Variants in CALCR observed in about 807,000 individuals in gnomAD.
CALCR encodes calcitonin receptor.
A neutral mutation model predicts 59.5 loss-of-function variants in CALCR; 47 were observed. The ratio of observed to expected loss-of-function variants is 0.79; its 90% confidence interval spans 0.63 to 1.01. The LOEUF is 1.01. Ranked by LOEUF, CALCR falls within the 50% of genes least tolerant of loss-of-function variation. The pLI, the probability that CALCR is intolerant of heterozygous loss-of-function variation, is 0.00. For synonymous variants in CALCR, 213 were observed against 211.3 expected (o/e 1.01, Z -0.07); for missense variants, 566 against 597.1 (o/e 0.95, Z 0.54).
At chr7:93,438,554 C>A (rs1799833196) in intron 9 of CALCR, among the ~76,000 whole-genome samples, 1 of 152,060 alleles carries the variant, frequency 6.6e-6, no homozygotes, top group Admixed American at 6.6e-5. Flanking sequence ...CTATTATTAC[C>A]ATTGTTATGT....
At position 93,457,697 on chromosome 7, in the gene CALCR, G is replaced by A. The variant is rs1441423786; in HGVS notation, c.648+3124C>T. On this transcript the variant is annotated intron_variant, in intron 8 of 13. Coordinates refer to ENST00000426151, the MANE Select transcript of CALCR (RefSeq NM_001742.4). The stretch of plus-strand genomic sequence containing the variant: ...GAGAGCCAAAATGTGACTGTTTTCT[G>A]CAGAGAGATTCTTAGTTAATTGCTT... Among the ~76,000 whole-genome samples, 4 of 152,106 alleles carry A rather than the reference G, an allele frequency of 2.6e-5. No individual in the cohort carries two copies. In the East Asian group the frequency reaches 5.8e-4, roughly 22 times the overall value.
At chr7:93,503,394 G>A (rs1475660446) in intron 2 of CALCR, among the ~76,000 whole-genome samples, 2 of 147,940 alleles carry the variant, frequency 1.4e-5, no homozygotes, top group East Asian at 4.0e-4. Flanking sequence ...GAAGGAGAAA[G>A]CAAATAATTA....
chr7:93,569,989 A>T (rs555701709), intron 2 of CALCR, among the ~76,000 whole-genome samples: 2 of 151,148 alleles, frequency 1.3e-5, no homozygotes, highest in East Asian at 3.9e-4. Flanking sequence ...GAGGCAGAAG[A>T]ATATAGACTG....
At chr7:93,509,167 G>T (rs140316610) in intron 2 of CALCR, among the ~76,000 whole-genome samples, 39 of 152,182 alleles carry the variant, frequency 2.6e-4, no homozygotes, top group African/African-American at 9.4e-4. Context: ...ATGGCAGAGA[G>T]GGATCCCGTA....
Position 93,436,175 on chromosome 7 carries a change from A to C in CALCR, c.931-5T>G, listed in dbSNP as rs1463696718. On this transcript the variant is annotated splice_region_variant and splice_polypyrimidine_tract_variant and intron_variant, in intron 11 of 13. Transcript: ENST00000426151. Reference sequence around the variant, plus strand: ...GAGCAAAAAGAAGAAATTGACCTGCAAATATACGGTGTTATGAGCAAATCA... The same window carrying C: ...GAGCAAAAAGAAGAAATTGACCTGCCAATATACGGTGTTATGAGCAAATCA... The C allele has an allele frequency of 6.2e-7, 1 of 1,610,506 alleles. No individual in the cohort carries two copies. Among genetic ancestry groups the C allele is most frequent in the Admixed American group, 1.7e-5 (1 of 60,004 alleles).
intron 2 of CALCR, among the ~76,000 whole-genome samples, chr7:93,571,020 C>T (rs1249723538): frequency 6.6e-6 from 1 of 152,150 alleles, no homozygotes; most frequent in East Asian, 1.9e-4. Flanking sequence ...TCAAACCTCT[C>T]TATATTGCTG....
chr7:93,426,440 C>T lies in CALCR; in HGVS notation c.1341G>A (p.Leu447=), dbSNP rs1287831417. 1.9e-6 allele frequency: 3 copies of T among 1,613,814 alleles called. No individual in the cohort carries two copies. The highest frequency in any genetic ancestry group is 2.7e-5 in the African/African-American group (2 of 74,910). Residue 447 remains leucine, a synonymous_variant, in exon 14 of 14, where the codon CTG becomes CTA. Coordinates refer to ENST00000426151, the MANE Select transcript of CALCR (RefSeq NM_001742.4). ...CTTGGTTGTTGGCTGGTTCATTCCT[C>T]AGCTCCTGATGGCAGATGTAAATTG... ...DIPIYICHQE[L]RNEPANNQGE... is the part of the protein sequence containing the mutation.
At chr7:93,527,722 C>T (rs1419055994) in intron 2 of CALCR, among the ~76,000 whole-genome samples, 1 of 152,044 alleles carries the variant, frequency 6.6e-6, no homozygotes, top group Admixed American at 6.6e-5. Context: ...AAACAGTAGT[C>T]CAAATCTATT....
chr7:93,555,597 A>G (rs1050130010), intron 2 of CALCR, among the ~76,000 whole-genome samples: 2 of 152,178 alleles, frequency 1.3e-5, no homozygotes, highest in Non-Finnish European at 2.9e-5. Flanking sequence ...GAAAGGATTT[A>G]CCATTTCAAC....
At chr7:93,427,434 A>T (rs576190966) in intron 13 of CALCR, among the ~76,000 whole-genome samples, 1 of 152,318 alleles carries the variant, frequency 6.6e-6, no homozygotes, top group East Asian at 1.9e-4. Flanking sequence ...TTATTGCAAT[A>T]ATCTCTATTC....
intron 8 of CALCR, among the ~76,000 whole-genome samples, chr7:93,445,456 G>A (rs1799990379): frequency 6.6e-6 from 1 of 151,886 alleles, no homozygotes; most frequent in Non-Finnish European, 1.5e-5. Context: ...CAAAGATGAT[G>A]GTCTTATGCC....
At chr7:93,486,510 A>T (rs1333200525) in intron 3 of CALCR, among the ~76,000 whole-genome samples, 4 of 151,542 alleles carry the variant, frequency 2.6e-5, no homozygotes. Flanking sequence ...TTTTAAAAGA[A>T]TTGAACAGCC....
In CALCR at chr7:93,482,994, C is replaced by T. The variant is rs1055883382; in HGVS notation, c.52-3487G>A. ...GGCCTTCTTCCTAAAATAACATACC[C>T]ATTGGGGCATTACGTTTATACATAC... On this transcript the variant is annotated intron_variant, in intron 3 of 13. Coordinates refer to ENST00000426151, the MANE Select transcript of CALCR (RefSeq NM_001742.4). The T allele has an allele frequency of 7.0e-6, 3 of 430,498 alleles. No homozygotes were observed. The Admixed American group carries it at 8.9e-5, about 13-fold the overall frequency. 26.7% of individuals were successfully genotyped at this position (430,498 alleles called of 1,614,324 possible).
chr7:93,567,493 T>C lies in CALCR; in HGVS notation c.-27+6796A>G, dbSNP rs186495794. Reference sequence around the variant, plus strand: ...AAGTATAAAATGTTATAATTTGTGATTCAAAAATTGCTATATTTGGCCTGA... The same window carrying C: ...AAGTATAAAATGTTATAATTTGTGACTCAAAAATTGCTATATTTGGCCTGA... On this transcript the variant is annotated intron_variant, in intron 2 of 13. Coordinates refer to ENST00000426151, the MANE Select transcript of CALCR (RefSeq NM_001742.4). Among the ~76,000 whole-genome samples, 555 of 152,302 alleles carry C rather than the reference T, an allele frequency of 3.6e-3. 1 individual carries two copies. The highest frequency in any genetic ancestry group is 7.8e-3 in the Admixed American group (119 of 15,298).
intron 8 of CALCR, among the ~76,000 whole-genome samples, chr7:93,446,696 C>T (rs1232819813): frequency 6.6e-6 from 1 of 151,898 alleles, no homozygotes; most frequent in Non-Finnish European, 1.5e-5. Context: ...TAGTCCTTAC[C>T]TTCATTCTGA....
Position 93,489,472 on chromosome 7 carries a change from C to G in CALCR, c.-26-2465G>C, listed in dbSNP as rs562371192. 2.4e-3 allele frequency among the ~76,000 whole-genome samples: 363 copies of G among 151,462 alleles called. 4 individuals carry two copies. Among genetic ancestry groups the G allele is most frequent in the African/African-American group, 8.3e-3 (345 of 41,366 alleles). ...AACCCTCCAAAAAAATCAATAAAAC[C>G]AGGAGCTGGTTTTTTAAAAAAATTT... On this transcript the variant is annotated intron_variant, in intron 2 of 13. Coordinates refer to ENST00000426151, the MANE Select transcript of CALCR (RefSeq NM_001742.4).
At chr7:93,488,534 T>C (rs1800999045) in intron 2 of CALCR, among the ~76,000 whole-genome samples, 2 of 95,748 alleles carry the variant, frequency 2.1e-5, no homozygotes, top group African/African-American at 4.3e-5. Context: ...AAGACACACA[T>C]AGGTTCAAAA....
At chr7:93,569,150 G>A (rs958731493) in intron 2 of CALCR, among the ~76,000 whole-genome samples, 128 of 151,586 alleles carry the variant, frequency 8.4e-4, no homozygotes, top group Non-Finnish European at 3.8e-4. Flanking sequence ...GTAAGGCTGC[G>A]TGTGTCCAGT....
chr7:93,524,044 T>C (rs1358738083), intron 2 of CALCR, among the ~76,000 whole-genome samples: 1 of 152,058 alleles, frequency 6.6e-6, no homozygotes, highest in Non-Finnish European at 1.5e-5. Context: ...TTAAATATGT[T>C]TCATCATATT....
Sources: gnomAD v4.1 joint callset for allele counts (sites outside exome capture counted in the v4.1 genomes callset) on GRCh38, gnomAD v4.1.1 for gene constraint, MANE v1.5 for transcripts, NCBI Gene and HGNC (gene_info 2026-07-23, HGNC 2026-07-21) for gene names.